Variants in DNAH11 observed in about 807,000 individuals in gnomAD.
The protein encoded by DNAH11 is axonemal beta dynein heavy chain 11.
A neutral mutation model predicts 526.0 loss-of-function variants in DNAH11; 442 were observed. That is an observed-to-expected ratio of 0.84 (90% CI 0.78 to 0.91). The LOEUF (loss-of-function observed/expected upper bound fraction) is 0.91, where lower values mean the gene tolerates loss of function less well. Among genes scored for constraint, DNAH11 ranks in the 40% least tolerant of loss-of-function variants. The pLI, the probability that DNAH11 is intolerant of heterozygous loss-of-function variation, is 0.00. For missense variants in DNAH11, 6,989 were observed against 5,448.7 expected (o/e 1.28, Z -8.90); for synonymous variants, 2,461 against 1,935.9 (o/e 1.27, Z -7.12).
intron 14 of DNAH11, among the ~76,000 whole-genome samples, chr7:21,595,830 G>A (rs751991768): frequency 6.6e-6 from 1 of 151,980 alleles, no homozygotes; most frequent in East Asian, 1.9e-4. Context: ...GAGAATAGAA[G>A]AAAATCAAGG....
chr7:21,733,576 A>G (rs1280186571), intron 45 of DNAH11, among the ~76,000 whole-genome samples: 1 of 152,264 alleles, frequency 6.6e-6, no homozygotes, highest in Admixed American at 6.5e-5. Flanking sequence ...GAAAACTGGT[A>G]TCACAAGATT....
chr7:21,841,373 G>A (rs921649517), intron 65 of DNAH11, among the ~76,000 whole-genome samples: 1 of 152,102 alleles, frequency 6.6e-6, no homozygotes, highest in African/African-American at 2.4e-5. Flanking sequence ...TTTAATGTAT[G>A]TTTAATCACA....
chr7:21,789,914 C>CCCTTCCTT (rs988249492), intron 61 of DNAH11, among the ~76,000 whole-genome samples: 8 of 129,170 alleles, frequency 6.2e-5, no homozygotes, highest in African/African-American at 2.3e-4. Context: ...CTCCCTCCCT[C>CCCTTCCTT]CCTTCCTTCC....
chr7:21,587,967 C>T, intron 9 of DNAH11, 97 bp from the exon 10 acceptor site: 5 of 1,174,624 alleles, frequency 4.3e-6, no homozygotes, highest in Non-Finnish European at 5.8e-6. Flanking sequence ...AGATTCTAAA[C>T]TTTAGTCATG....
intron 60 of DNAH11, among the ~76,000 whole-genome samples, chr7:21,788,265 G>T (rs1158522174): frequency 6.6e-6 from 1 of 152,164 alleles, no homozygotes; most frequent in East Asian, 1.9e-4. Context: ...TGGAATTACT[G>T]AGAAAAAGTC....
At chr7:21,734,283 G>T (rs571793566) in intron 45 of DNAH11, among the ~76,000 whole-genome samples, 16 of 152,294 alleles carry the variant, frequency 1.1e-4, no homozygotes, top group African/African-American at 3.6e-4. Context: ...CATGTAAAGT[G>T]CTTAGCATGG....
chr7:21,808,587 C>T (rs149281106), intron 63 of DNAH11, among the ~76,000 whole-genome samples: 1 of 152,282 alleles, frequency 6.6e-6, no homozygotes, highest in East Asian at 1.9e-4. Flanking sequence ...CTACTCTCTA[C>T]CTCCATAAGA....
At chr7:21,726,147 C>T (rs1785094653) in intron 45 of DNAH11, among the ~76,000 whole-genome samples, 163 bp downstream of exon 45, 1 of 152,128 alleles carries the variant, frequency 6.6e-6, no homozygotes, top group Admixed American at 6.5e-5. Context: ...CTGGGAAGGC[C>T]TCAGAAAATC....
At chr7:21,714,910 A>C (rs1238252903) in intron 42 of DNAH11, among the ~76,000 whole-genome samples, 1 of 152,204 alleles carries the variant, frequency 6.6e-6, no homozygotes, top group Non-Finnish European at 1.5e-5. Flanking sequence ...TGGAAGCCAC[A>C]ACTTTAGATC....
chr7:21,792,077 T>C (rs1244791352), intron 61 of DNAH11, among the ~76,000 whole-genome samples: 3 of 152,198 alleles, frequency 2.0e-5, no homozygotes, highest in African/African-American at 7.2e-5. Context: ...TTTTTTGTGT[T>C]GAGGTATGTG....
chr7:21,643,057 C>T (rs1292669310), intron 28 of DNAH11, among the ~76,000 whole-genome samples: 1 of 152,154 alleles, frequency 6.6e-6, no homozygotes, highest in Non-Finnish European at 1.5e-5. Flanking sequence ...ATAAAAGTCT[C>T]TGGTAGTTGC....
intron 68 of DNAH11, among the ~76,000 whole-genome samples, chr7:21,858,703 C>T (rs910448024): frequency 1.3e-5 from 2 of 152,144 alleles, no homozygotes; most frequent in Non-Finnish European, 2.9e-5. Flanking sequence ...CAGTAATTGA[C>T]TGGGGCTGGC....
intron 74 of DNAH11, among the ~76,000 whole-genome samples, chr7:21,874,665 A>G (rs1783637171): frequency 6.6e-6 from 1 of 151,952 alleles, no homozygotes; most frequent in African/African-American, 2.4e-5. Flanking sequence ...AAATTAATAC[A>G]TAAATACATA....
intron 20 of DNAH11, among the ~76,000 whole-genome samples, chr7:21,607,722 G>A (rs1330728052): frequency 6.6e-6 from 1 of 151,790 alleles, no homozygotes; most frequent in Non-Finnish European, 1.5e-5. Flanking sequence ...ATGAGGTCAG[G>A]AGATCAAGAC....
intron 20 of DNAH11, among the ~76,000 whole-genome samples, chr7:21,610,282 T>A (rs1050756914): frequency 6.6e-6 from 1 of 152,020 alleles, no homozygotes; most frequent in African/African-American, 2.4e-5. Flanking sequence ...CAGAAAAAGA[T>A]ACTCTGGGAG....
At chr7:21,709,084 C>G (rs1278847884) in intron 40 of DNAH11, among the ~76,000 whole-genome samples, 1 of 152,126 alleles carries the variant, frequency 6.6e-6, no homozygotes, top group Non-Finnish European at 1.5e-5. Flanking sequence ...GGGTATATAC[C>G]TAAAGGAAAA....
intron 63 of DNAH11, among the ~76,000 whole-genome samples, chr7:21,812,411 C>T (rs1194197321): frequency 6.6e-6 from 1 of 152,020 alleles, no homozygotes; most frequent in Non-Finnish European, 1.5e-5. Context: ...TGGTGGCTCA[C>T]GTCTCCCAGT....
chr7:21,571,672 A>C, intron 7 of DNAH11, 134 bp from the exon 8 acceptor site: 1 of 652,638 alleles, frequency 1.5e-6, no homozygotes, highest in Non-Finnish European at 2.3e-6. Context: ...TTCTGTCATG[A>C]AAATATTTAT....
At chr7:21,641,032 A>G (rs779547706) in intron 28 of DNAH11, among the ~76,000 whole-genome samples, 17 of 152,158 alleles carry the variant, frequency 1.1e-4, no homozygotes, top group Non-Finnish European at 2.4e-4. Flanking sequence ...CTCTGGACAA[A>G]GGGAACCTCC....
Sources: gnomAD v4.1 joint callset for allele counts (sites outside exome capture counted in the v4.1 genomes callset) on GRCh38, gnomAD v4.1.1 for gene constraint, MANE v1.5 for transcripts, NCBI Gene and HGNC (gene_info 2026-07-23, HGNC 2026-07-21) for gene names.